Variants in CADM2 observed in about 807,000 individuals in gnomAD.
CADM2 encodes cell adhesion molecule 2.
In CADM2, 12 loss-of-function variants were observed where a neutral mutation model predicts 49.8. The observed-to-expected ratio is 0.24, with a 90% confidence interval of 0.15 to 0.39. CADM2 has a LOEUF of 0.39. CADM2 is among the 10% of genes least tolerant of loss of function. The pLI, the probability that CADM2 is intolerant of heterozygous loss-of-function variation, is 1.00. For missense variants in CADM2, 378 were observed against 492.3 expected, an observed-to-expected ratio of 0.77 and a Z score of 2.20; for synonymous variants, 214 against 175.4, an observed-to-expected ratio of 1.22 and a Z score of -1.74.
At chr3:84,976,513 TTTA>T (rs1202861146) in intron 1 of CADM2, among the ~76,000 whole-genome samples, 1 of 151,832 alleles carries the variant, frequency 6.6e-6, no homozygotes, top group Non-Finnish European at 1.5e-5. Context: ...TATTGGTTAT[TTTA>T]TTAAGTATCA....
intron 1 of CADM2, among the ~76,000 whole-genome samples, chr3:85,669,728 C>A (rs1369132224): frequency 6.6e-6 from 1 of 151,962 alleles, no homozygotes; most frequent in African/African-American, 2.4e-5. Flanking sequence ...ATCTTTAAGC[C>A]TAAGGAAATA....
chr3:85,684,035 G>T (rs1452056600), intron 1 of CADM2, among the ~76,000 whole-genome samples: 2 of 152,140 alleles, frequency 1.3e-5, no homozygotes, highest in Non-Finnish European at 2.9e-5. Context: ...AACAAAAGTG[G>T]TGTATGTTCC....
chr3:85,281,028 A>T (rs1344900552), intron 1 of CADM2, among the ~76,000 whole-genome samples: 1 of 151,972 alleles, frequency 6.6e-6, no homozygotes, highest in Non-Finnish European at 1.5e-5. Flanking sequence ...GATCTTAAAT[A>T]ATCTCAACAT....
chr3:85,023,892 A>T (rs534240496), intron 1 of CADM2, among the ~76,000 whole-genome samples: 1 of 152,052 alleles, frequency 6.6e-6, no homozygotes, highest in African/African-American at 2.4e-5. Context: ...ATCAGAACAG[A>T]TCATTTATTA....
At chr3:86,030,671 A>G (rs1734450532) in intron 8 of CADM2, among the ~76,000 whole-genome samples, 1 of 151,918 alleles carries the variant, frequency 6.6e-6, no homozygotes, top group African/African-American at 2.4e-5. Context: ...TACTGTTGGT[A>G]AAATTGATTA....
At chr3:84,967,410 G>A (rs558283288) in intron 1 of CADM2, among the ~76,000 whole-genome samples, 4 of 152,142 alleles carry the variant, frequency 2.6e-5, no homozygotes, top group Admixed American at 1.3e-4. Context: ...CATAACTTCC[G>A]TTCATTCTGA....
intron 1 of CADM2, among the ~76,000 whole-genome samples, chr3:85,590,577 C>G (rs938060460): frequency 1.3e-5 from 2 of 151,704 alleles, no homozygotes; most frequent in Non-Finnish European, 1.5e-5. Flanking sequence ...ATTAATTATA[C>G]AAATTCCATT....
chr3:85,357,743 T>C (rs929057834), intron 1 of CADM2, among the ~76,000 whole-genome samples: 3 of 152,094 alleles, frequency 2.0e-5, no homozygotes, highest in African/African-American at 7.2e-5. Context: ...AACTTCCATG[T>C]CTTCTTCTTC....
intron 3 of CADM2, among the ~76,000 whole-genome samples, chr3:85,810,585 G>A (rs2072804834): frequency 6.9e-6 from 1 of 145,140 alleles, no homozygotes; most frequent in Non-Finnish European, 1.5e-5. Flanking sequence ...CGTCACCCAG[G>A]CTGGAGTGCA....
At chr3:86,044,368 AAAAC>A (rs1411279222) in intron 8 of CADM2, among the ~76,000 whole-genome samples, 2 of 152,214 alleles carry the variant, frequency 1.3e-5, no homozygotes, top group East Asian at 3.8e-4. Context: ...TTTACAAGAA[AAAAC>A]AAACAACCCC....
chr3:85,853,542 C>A (rs2075186800), intron 3 of CADM2, among the ~76,000 whole-genome samples: 1 of 151,744 alleles, frequency 6.6e-6, no homozygotes, highest in Non-Finnish European at 1.5e-5. Context: ...ATTAAAATGG[C>A]CATGACATGC....
intron 1 of CADM2, among the ~76,000 whole-genome samples, chr3:84,971,380 A>T (rs2107091375): frequency 6.6e-6 from 1 of 152,306 alleles, no homozygotes; most frequent in East Asian, 1.9e-4. Context: ...ATATTTTTAA[A>T]AATCAAGTAA....
intron 1 of CADM2, among the ~76,000 whole-genome samples, chr3:84,982,703 A>ATATG (rs1491582408): frequency 1.2e-4 from 1 of 8,180 alleles, no homozygotes; most frequent in Admixed American, 1.5e-3. Context: ...ACTATAAAGC[A>ATATG]TATATATATA....
chr3:85,440,298 C>T (rs1331144252), intron 1 of CADM2, among the ~76,000 whole-genome samples: 1 of 152,094 alleles, frequency 6.6e-6, no homozygotes, highest in East Asian at 1.9e-4. Flanking sequence ...GAACACACCC[C>T]ACGTCATTCT....
At chr3:85,098,453 G>C (rs942499585) in intron 1 of CADM2, among the ~76,000 whole-genome samples, 1 of 151,916 alleles carries the variant, frequency 6.6e-6, no homozygotes, top group Non-Finnish European at 1.5e-5. Flanking sequence ...TTGAACCTTA[G>C]TTTCAAAATC....
At chr3:85,225,145 G>T (rs1326777438) in intron 1 of CADM2, among the ~76,000 whole-genome samples, 2 of 152,130 alleles carry the variant, frequency 1.3e-5, no homozygotes, top group Non-Finnish European at 2.9e-5. Flanking sequence ...AAGGAAGTCA[G>T]TGGTAGCTTG....
chr3:85,267,438 T>A (rs2043146147), intron 1 of CADM2, among the ~76,000 whole-genome samples: 1 of 151,744 alleles, frequency 6.6e-6, no homozygotes, highest in African/African-American at 2.4e-5. Flanking sequence ...CTTATATCCT[T>A]CAGATAGTTA....
chr3:85,997,732 A>G (rs1265229784), intron 8 of CADM2, among the ~76,000 whole-genome samples: 1 of 152,112 alleles, frequency 6.6e-6, no homozygotes, highest in Admixed American at 6.5e-5. Flanking sequence ...TTTGTTTTTC[A>G]TGCATTTCTA....
chr3:85,262,364 G>C (rs1032673566), intron 1 of CADM2, among the ~76,000 whole-genome samples: 8 of 152,034 alleles, frequency 5.3e-5, no homozygotes, highest in Non-Finnish European at 1.2e-4. Context: ...TCTGACATCA[G>C]TGAAGTCACT....
Sources: gnomAD v4.1 joint callset for allele counts (sites outside exome capture counted in the v4.1 genomes callset) on GRCh38, gnomAD v4.1.1 for gene constraint, MANE v1.5 for transcripts, NCBI Gene and HGNC (gene_info 2026-07-23, HGNC 2026-07-21) for gene names.